NTNG1: variants seen among roughly 807,000 people sequenced by gnomAD.
NTNG1 encodes the protein netrin G1.
In NTNG1, 16 loss-of-function variants were observed where a neutral mutation model predicts 54.0. That is an observed-to-expected ratio of 0.30 (90% CI 0.20 to 0.45). The LOEUF (loss-of-function observed/expected upper bound fraction) is 0.45. Ranked by LOEUF, NTNG1 falls within the 20% of genes least tolerant of loss-of-function variation. The probability of loss-of-function intolerance (pLI) is 1.00; values close to 1 mark genes in which losing one functional copy is unlikely to be tolerated. For missense variants in NTNG1, 530 were observed against 678.7 expected (o/e 0.78, Z 2.43); for synonymous variants, 255 against 263.1 (o/e 0.97, Z 0.30).
At chr1:107,464,756 C>T (rs1221381782) in intron 7 of NTNG1, among the ~76,000 whole-genome samples, 1 of 152,136 alleles carries the variant, frequency 6.6e-6, no homozygotes, top group Non-Finnish European at 1.5e-5. Flanking sequence ...TGCCTTCCAC[C>T]CTCCTGCACC....
chr1:107,368,008 T>G (rs1670701218), intron 3 of NTNG1, among the ~76,000 whole-genome samples: 1 of 152,132 alleles, frequency 6.6e-6, no homozygotes, highest in South Asian at 2.1e-4. Context: ...CCCGCCTGCC[T>G]CGGCCTCCCA....
At chr1:107,178,859 CT>C (rs779444925) in intron 2 of NTNG1, among the ~76,000 whole-genome samples, 131 of 152,178 alleles carry the variant, frequency 8.6e-4, no homozygotes, top group Admixed American at 4.5e-3. Flanking sequence ...TTCAGATTAA[CT>C]TTAGCTTGGT....
At chr1:107,317,443 G>A (rs1667396737) in intron 2 of NTNG1, among the ~76,000 whole-genome samples, 1 of 152,050 alleles carries the variant, frequency 6.6e-6, no homozygotes, top group African/African-American at 2.4e-5. Flanking sequence ...CAGCTTTTCT[G>A]CAGACATTCA....
intron 2 of NTNG1, among the ~76,000 whole-genome samples, chr1:107,180,426 C>T (rs564976292): frequency 4.1e-4 from 63 of 152,226 alleles, no homozygotes; most frequent in African/African-American, 1.5e-3. Context: ...CACATATAAA[C>T]ATAAATATGC....
chr1:107,372,505 G>A (rs761536126), intron 3 of NTNG1, among the ~76,000 whole-genome samples: 1 of 152,100 alleles, frequency 6.6e-6, no homozygotes, highest in Middle Eastern at 3.4e-3. Context: ...AATTTTCAGT[G>A]TAGTTTCATT....
At chr1:107,217,132 G>T (rs1411853206) in intron 2 of NTNG1, among the ~76,000 whole-genome samples, 1 of 150,994 alleles carries the variant, frequency 6.6e-6, no homozygotes, top group Non-Finnish European at 1.5e-5. Flanking sequence ...GCTTGTTATT[G>T]GTCTGTCCAG....
chr1:107,378,865 C>A (rs17018825), intron 3 of NTNG1, among the ~76,000 whole-genome samples: 3 of 152,090 alleles, frequency 2.0e-5, no homozygotes, highest in African/African-American at 4.8e-5. Context: ...ACTGCACAGT[C>A]CCCCCACACA....
At chr1:107,280,220 A>T (rs1664754468) in intron 2 of NTNG1, among the ~76,000 whole-genome samples, 3 of 70,896 alleles carry the variant, frequency 4.2e-5, no homozygotes, top group African/African-American at 1.2e-4. Context: ...TCTGAAGGTT[A>T]ATTTACTTCT....
chr1:107,144,635 C>A (rs1653976833), intron 1 of NTNG1, among the ~76,000 whole-genome samples: 1 of 151,654 alleles, frequency 6.6e-6, no homozygotes, highest in Non-Finnish European at 1.5e-5. Context: ...CAAAATTAAT[C>A]CAAGGTGGAA....
chr1:107,375,916 C>T (rs1671203333), intron 3 of NTNG1, among the ~76,000 whole-genome samples: 1 of 152,170 alleles, frequency 6.6e-6, no homozygotes, highest in African/African-American at 2.4e-5. Context: ...TTTCTGTTTA[C>T]CTCTTCCTCA....
intron 2 of NTNG1, among the ~76,000 whole-genome samples, chr1:107,151,465 GC>G (rs1382459819): frequency 2.0e-5 from 3 of 152,072 alleles, no homozygotes; most frequent in Non-Finnish European, 4.4e-5. Context: ...AGTCATTATG[GC>G]CTATTACATC....
At chr1:107,381,476 TATC>T in intron 3 of NTNG1, among the ~76,000 whole-genome samples, 1 of 151,978 alleles carries the variant, frequency 6.6e-6, no homozygotes, top group Non-Finnish European at 1.5e-5. Flanking sequence ...CTCCTAGTGA[TATC>T]ATTTCTCCAT....
chr1:107,267,750 C>A (rs887807550), intron 2 of NTNG1, among the ~76,000 whole-genome samples: 2 of 152,172 alleles, frequency 1.3e-5, no homozygotes, highest in African/African-American at 4.8e-5. Context: ...GAGCACACAG[C>A]AAGCACACAT....
At chr1:107,375,827 T>G (rs900281310) in intron 3 of NTNG1, among the ~76,000 whole-genome samples, 2 of 152,206 alleles carry the variant, frequency 1.3e-5, no homozygotes, top group African/African-American at 4.8e-5. Context: ...AGAATCATAG[T>G]CTTCTTGGTA....
intron 2 of NTNG1, among the ~76,000 whole-genome samples, chr1:107,250,711 G>A (rs1009343975): frequency 1.2e-5 from 1 of 81,452 alleles, no homozygotes; most frequent in East Asian, 3.5e-4. Flanking sequence ...CAGAATCCAG[G>A]CAAGAGGGTC....
intron 5 of NTNG1, among the ~76,000 whole-genome samples, chr1:107,426,447 T>G (rs991428777): frequency 6.6e-6 from 1 of 152,184 alleles, no homozygotes; most frequent in Non-Finnish European, 1.5e-5. Flanking sequence ...TTGCTTAGTT[T>G]TGTCCACTTT....
At chr1:107,349,803 G>A (rs1669493359) in intron 3 of NTNG1, among the ~76,000 whole-genome samples, 1 of 152,056 alleles carries the variant, frequency 6.6e-6, no homozygotes, top group Non-Finnish European at 1.5e-5. Context: ...ATTCCATTGT[G>A]TGACTATACC....
chr1:107,191,693 C>A (rs1331557794), intron 2 of NTNG1, among the ~76,000 whole-genome samples: 13 of 150,674 alleles, frequency 8.6e-5, no homozygotes, highest in Non-Finnish European at 1.8e-4. Flanking sequence ...GAATCCTTTC[C>A]CCATTGCTTG....
At chr1:107,391,797 C>A (rs989817161) in intron 3 of NTNG1, among the ~76,000 whole-genome samples, 1 of 152,078 alleles carries the variant, frequency 6.6e-6, no homozygotes, top group Admixed American at 6.6e-5. Flanking sequence ...GGGCACCAAG[C>A]CTTCATGAGA....
Sources: gnomAD v4.1 joint callset for allele counts (sites outside exome capture counted in the v4.1 genomes callset) on GRCh38, gnomAD v4.1.1 for gene constraint, MANE v1.5 for transcripts, NCBI Gene and HGNC (gene_info 2026-07-23, HGNC 2026-07-21) for gene names.